The following LMBRD1 variants were observed in gnomAD, a reference collection of about 807,000 sequenced individuals.
LMBRD1 encodes the protein lysosomal cobalamin transport escort protein LMBD1.
A neutral mutation model predicts 74.8 loss-of-function variants in LMBRD1; 64 were observed. The observed-to-expected ratio is 0.86, with a 90% CI of 0.70 to 1.05. LMBRD1 has a LOEUF of 1.05. LMBRD1 is among the 50% of genes least tolerant of loss of function. LMBRD1 has a pLI of 0.00. For synonymous variants in LMBRD1, 204 were observed against 216.3 expected (o/e 0.94, Z 0.50); for missense variants, 652 against 645.9 (o/e 1.01, Z -0.10).
chr6:69,695,989 G>A (rs1157775111), intron 14 of LMBRD1, among the ~76,000 whole-genome samples: 1 of 152,028 alleles, frequency 6.6e-6, no homozygotes, highest in Non-Finnish European at 1.5e-5. Flanking sequence ...GATTACAGGG[G>A]TGCCCCACCA....
At chr6:69,758,490 A>G (rs1765312594) in intron 3 of LMBRD1, among the ~76,000 whole-genome samples, 1 of 152,052 alleles carries the variant, frequency 6.6e-6, no homozygotes, top group South Asian at 2.1e-4. Flanking sequence ...TGAAACTGAT[A>G]CATGATGGCT....
chr6:69,723,377 C>T (rs1236049711), intron 7 of LMBRD1, among the ~76,000 whole-genome samples: 1 of 152,100 alleles, frequency 6.6e-6, no homozygotes, highest in African/African-American at 2.4e-5. Flanking sequence ...TATTCTTTTC[C>T]TTAGCACATG....
intron 8 of LMBRD1, among the ~76,000 whole-genome samples, chr6:69,716,912 CAT>C (rs1766504111): frequency 6.6e-6 from 1 of 150,732 alleles, no homozygotes; most frequent in African/African-American, 2.4e-5. Flanking sequence ...TATTAAAATA[CAT>C]ATGTATTTAT....
chr6:69,695,018 A>T (rs1765963442), intron 14 of LMBRD1, among the ~76,000 whole-genome samples: 1 of 152,056 alleles, frequency 6.6e-6, no homozygotes, highest in African/African-American at 2.4e-5. Flanking sequence ...CTTCTTGCCT[A>T]CCCTCAGATG....
intron 13 of LMBRD1, among the ~76,000 whole-genome samples, chr6:69,698,499 T>G (rs1005570154): frequency 2.0e-5 from 3 of 151,994 alleles, no homozygotes; most frequent in African/African-American, 7.2e-5. Context: ...TCAGAATATT[T>G]TGAATCGTCA....
intron 8 of LMBRD1, among the ~76,000 whole-genome samples, chr6:69,714,405 C>T (rs536759161): frequency 7.2e-5 from 11 of 152,110 alleles, no homozygotes; most frequent in South Asian, 2.1e-4. Flanking sequence ...TCTATTTTTA[C>T]GCGACACTTT....
rs765540181 is a variant in LMBRD1 at position 69,718,980 on chromosome 6, T to C, written c.738A>G (p.Gln246=). 1 of 1,613,358 alleles carries C rather than the reference T, an allele frequency of 6.2e-7. No individual in the cohort carries two copies. The highest frequency in any genetic ancestry group is 8.5e-7 in the Non-Finnish European group (1 of 1,179,612). ...ENTEDIEEVE[Q]HIQTIKSKSK... ...CTTTTGATTTAATCGTTTGAATGTG[T>C]TGTTCTACTTCTTCAATGTCTTCAG... Residue 246 remains glutamine (Q), a synonymous_variant, in exon 8 of 16, where the codon CAA becomes CAG. Transcript: ENST00000649934.
chr6:69,757,934 T>C (rs1482273747), intron 3 of LMBRD1, among the ~76,000 whole-genome samples: 2 of 152,154 alleles, frequency 1.3e-5, no homozygotes, highest in African/African-American at 2.4e-5. Context: ...CTCATGTCCA[T>C]AGAAATTGAG....
At chr6:69,770,300 A>C (rs1234951947) in intron 3 of LMBRD1, among the ~76,000 whole-genome samples, 1 of 152,160 alleles carries the variant, frequency 6.6e-6, no homozygotes, top group African/African-American at 2.4e-5. Flanking sequence ...TGCAATAACC[A>C]AGCTGGAAGT....
intron 3 of LMBRD1, among the ~76,000 whole-genome samples, chr6:69,778,250 C>G (rs1319508971): frequency 1.3e-5 from 2 of 152,150 alleles, no homozygotes; most frequent in Non-Finnish European, 2.9e-5. Flanking sequence ...AAATTAAGTT[C>G]TATAGGAAAT....
intron 14 of LMBRD1, among the ~76,000 whole-genome samples, chr6:69,677,426 C>T (rs1258111595): frequency 6.6e-6 from 1 of 152,064 alleles, no homozygotes. Context: ...TTATGGCTGG[C>T]TTTGGAAAAG....
chr6:69,772,974 C>G (rs1215071489), intron 3 of LMBRD1, among the ~76,000 whole-genome samples: 1 of 152,130 alleles, frequency 6.6e-6, no homozygotes, highest in Non-Finnish European at 1.5e-5. Flanking sequence ...CACTCCTAAC[C>G]TTACGAAGTA....
intron 13 of LMBRD1, 25 bp from the exon 14 acceptor site, chr6:69,697,666 A>T: frequency 7.4e-7 from 1 of 1,351,716 alleles, no homozygotes; most frequent in South Asian, 1.2e-5. Flanking sequence ...TACAGTTAAA[A>T]TATAAAAACC....
intron 3 of LMBRD1, among the ~76,000 whole-genome samples, chr6:69,771,204 G>T (rs1765568892): frequency 6.6e-6 from 1 of 152,164 alleles, no homozygotes; most frequent in Non-Finnish European, 1.5e-5. Context: ...CAATCAAGAT[G>T]TTAGCCAATG....
At chr6:69,741,662 T>C (rs1265463291) in intron 6 of LMBRD1, 127 bp downstream of exon 6, 4 of 635,002 alleles carry the variant, frequency 6.3e-6, no homozygotes, top group Non-Finnish European at 8.5e-6. Context: ...GTGCTAGGAT[T>C]ACAGGCATGA....
intron 14 of LMBRD1, among the ~76,000 whole-genome samples, chr6:69,684,836 G>T (rs1053810661): frequency 1.3e-5 from 2 of 152,024 alleles, no homozygotes; most frequent in African/African-American, 4.8e-5. Flanking sequence ...AATACAATGG[G>T]TTTCATCCAA....
In LMBRD1 at chr6:69,698,765, T is replaced by C. The variant is rs193165570; in HGVS notation, c.1338+278A>G. The stretch of plus-strand genomic sequence containing the variant: ...AAACGTTATTTTAGAGGAAGTATTT[T>C]GAGTTTTAATAAAGTACTAAGGTAA... On this transcript the variant is annotated intron_variant, in intron 13 of 15. Coordinates refer to ENST00000649934, the MANE Select transcript of LMBRD1 (RefSeq NM_018368.4). Among the ~76,000 whole-genome samples, 3 of 152,014 alleles carry C rather than the reference T, an allele frequency of 2.0e-5. No homozygotes were observed. In the East Asian group the frequency reaches 5.8e-4, roughly 29 times the overall value.
At chr6:69,778,727 T>C (rs755591590) in intron 3 of LMBRD1, among the ~76,000 whole-genome samples, 16 of 152,122 alleles carry the variant, frequency 1.1e-4, no homozygotes, top group Admixed American at 4.6e-4. Flanking sequence ...TTTCAAAACT[T>C]TTAATAGGTC....
At position 69,676,539 on chromosome 6, in the gene LMBRD1, G is replaced by T; in HGVS notation, c.1420C>A (p.Gln474Lys). ...KRCDADAPED[Q>K]CTVTRTYLFL... The stretch of plus-strand genomic sequence containing the variant: ...AGGTATGTCCGGGTAACAGTACACT[G>T]ATCTGTGAAAGCAAATAAAAGACTA... Residue 474 changes from glutamine (Q) to lysine (K), a missense_variant and splice_region_variant, in exon 15 of 16, where the codon CAG (glutamine) becomes AAG (lysine). By Grantham distance (53) the Gln-to-Lys change is moderately conservative. This residue lies in a region of LMBRD1 where 598 missense variants were observed against 581.8 expected (regional missense o/e 1.03). Transcript: ENST00000649934. The T allele has an allele frequency of 6.2e-7, 1 of 1,608,888 alleles. No homozygotes were observed.
Sources: gnomAD v4.1 joint callset for allele counts (sites outside exome capture counted in the v4.1 genomes callset) on GRCh38, gnomAD v4.1.1 for gene constraint, gnomAD v4.1.1 regional missense constraint, MANE v1.5 for transcripts, NCBI Gene and HGNC (gene_info 2026-07-23, HGNC 2026-07-21) for gene names.